CWC27: variants seen among roughly 807,000 people sequenced by gnomAD.
The protein encoded by CWC27 is CWC27 spliceosome associated cyclophilin.
CWC27 carries 47 observed loss-of-function variants against 63.6 expected under a neutral mutation model. That is an observed-to-expected ratio of 0.74 (90% confidence interval 0.58 to 0.94). The LOEUF (loss-of-function observed/expected upper bound fraction) is 0.94, where lower values mean the gene tolerates loss of function less well. Ranked by LOEUF, CWC27 falls within the 40% of genes least tolerant of loss-of-function variation. CWC27 has a pLI of 0.00. For synonymous variants in CWC27, 175 were observed against 179.8 expected (o/e 0.97, Z 0.22); for missense variants, 495 against 554.3 (o/e 0.89, Z 1.07).
At position 64,769,026 on chromosome 5, in the gene CWC27, A is replaced by T. The variant is rs903389815; in HGVS notation, c.-121A>T. On this transcript the variant is annotated 5_prime_UTR_variant, in exon 1 of 14. Coordinates refer to ENST00000381070, the MANE Select transcript of CWC27 (RefSeq NM_005869.4). ...TGTCCCTGTCTTGCGTGATATTGAC[A>T]AACTGAAGCTTTCCTGCACCACTGG... 4.9e-6 allele frequency: 4 copies of T among 817,730 alleles called. No homozygotes were observed. Among genetic ancestry groups the T allele is most frequent in the Non-Finnish European group, 8.3e-6 (4 of 482,884 alleles). 50.7% of individuals were successfully genotyped at this position (817,730 alleles called of 1,614,324 possible).
chr5:64,945,662 A>G (rs762186467), intron 11 of CWC27, among the ~76,000 whole-genome samples: 2 of 152,192 alleles, frequency 1.3e-5, no homozygotes, highest in African/African-American at 4.8e-5. Flanking sequence ...CAGAGAAGTA[A>G]TTGATGTTTC....
chr5:64,794,665 T>C (rs778722106), intron 7 of CWC27, among the ~76,000 whole-genome samples: 15 of 152,088 alleles, frequency 9.9e-5, no homozygotes, highest in Non-Finnish European at 2.1e-4. Flanking sequence ...ATAATAATAC[T>C]TTAGAGAAAT....
At chr5:64,880,891 C>A in intron 10 of CWC27, among the ~76,000 whole-genome samples, 1 of 131,830 alleles carries the variant, frequency 7.6e-6, no homozygotes. Flanking sequence ...TAAGCAGAGA[C>A]TAGGCTTTGA....
chr5:64,844,521 A>G (rs535079810), intron 10 of CWC27, among the ~76,000 whole-genome samples: 209 of 152,274 alleles, frequency 1.4e-3, no homozygotes, highest in African/African-American at 4.6e-3. Flanking sequence ...ACTTCCTCCC[A>G]TTTTGGAGAA....
At chr5:64,862,354 A>G (rs1746431162) in intron 10 of CWC27, among the ~76,000 whole-genome samples, 1 of 138,598 alleles carries the variant, frequency 7.2e-6, no homozygotes, top group Non-Finnish European at 1.6e-5. Flanking sequence ...AGTAAATATA[A>G]TATACCCTTC....
At chr5:64,806,472 A>G (rs985738968) in intron 10 of CWC27, among the ~76,000 whole-genome samples, 3 of 152,096 alleles carry the variant, frequency 2.0e-5, no homozygotes, top group Non-Finnish European at 4.4e-5. Context: ...TTTATTTATA[A>G]CTGTTCTGTT....
At chr5:64,781,823 C>G in intron 2 of CWC27, 98 bp from the exon 3 acceptor site, 1 of 550,514 alleles carries the variant, frequency 1.8e-6, no homozygotes, top group Non-Finnish European at 3.1e-6. Context: ...ATTTAACATT[C>G]TGGAAAATAA....
intron 11 of CWC27, among the ~76,000 whole-genome samples, chr5:64,916,419 C>A (rs1187812453): frequency 2.6e-5 from 4 of 152,200 alleles, no homozygotes; most frequent in South Asian, 2.1e-4. Flanking sequence ...TCTAGGTATT[C>A]ATGTTTCGTG....
At chr5:65,003,547 C>G (rs1267824461) in intron 13 of CWC27, among the ~76,000 whole-genome samples, 1 of 152,126 alleles carries the variant, frequency 6.6e-6, no homozygotes, top group Non-Finnish European at 1.5e-5. Context: ...CTTTTGTTTT[C>G]AGGTATACGA....
intron 13 of CWC27, among the ~76,000 whole-genome samples, chr5:64,986,138 T>C (rs1478652766): frequency 2.6e-5 from 4 of 152,140 alleles, no homozygotes; most frequent in East Asian, 1.9e-4. Context: ...TCCAACATGA[T>C]TGTAAGTTTC....
intron 10 of CWC27, among the ~76,000 whole-genome samples, chr5:64,883,973 G>A (rs1369285205): frequency 6.6e-6 from 1 of 152,124 alleles, no homozygotes; most frequent in East Asian, 1.9e-4. Flanking sequence ...TGGGGATCTC[G>A]TTACAAGGGC....
intron 11 of CWC27, among the ~76,000 whole-genome samples, chr5:64,966,290 C>T (rs1580753687): frequency 6.6e-6 from 1 of 152,118 alleles, no homozygotes; most frequent in South Asian, 2.1e-4. Flanking sequence ...GAAAAACAAG[C>T]TTGACTTGTG....
intron 11 of CWC27, among the ~76,000 whole-genome samples, chr5:64,902,297 C>T (rs1236113266): frequency 6.6e-6 from 1 of 152,094 alleles, no homozygotes; most frequent in Non-Finnish European, 1.5e-5. Context: ...TACAGTGTCA[C>T]CAGGTGATAG....
At chr5:64,923,099 G>T (rs1313790535) in intron 11 of CWC27, among the ~76,000 whole-genome samples, 1 of 152,140 alleles carries the variant, frequency 6.6e-6, no homozygotes, top group African/African-American at 2.4e-5. Flanking sequence ...GCTGCAGCAG[G>T]GGTGCAAATG....
At chr5:64,927,587 T>C (rs576979911) in intron 11 of CWC27, among the ~76,000 whole-genome samples, 233 of 152,274 alleles carry the variant, frequency 1.5e-3, no homozygotes, top group African/African-American at 5.3e-3. Context: ...CCCACCCCAC[T>C]TTCCACATCT....
In CWC27 at chr5:65,018,491, C is replaced by T; in HGVS notation, c.*170C>T. 1.8e-6 allele frequency: 1 copy of T among 545,072 alleles called. No individual in the cohort carries two copies. The highest frequency in any genetic ancestry group is 3.2e-5 in the South Asian group (1 of 30,798). The allele number at this position is 545,072 out of a possible 1,614,324, so 33.8% of individuals were successfully genotyped here. ...TTTGCAAATTGTGGAATGATGTAAG[C>T]AAATGCTTTTGGTTACTGGTACATG... On this transcript the variant is annotated 3_prime_UTR_variant, in exon 14 of 14. Coordinates refer to ENST00000381070, the MANE Select transcript of CWC27 (RefSeq NM_005869.4).
chr5:64,826,345 G>T (rs80309985), intron 10 of CWC27, among the ~76,000 whole-genome samples: 4,182 of 152,084 alleles, frequency 0.027, 199 homozygotes, highest in African/African-American at 0.096. Flanking sequence ...ATTTCATTGT[G>T]GTCAGAGGAC....
At chr5:64,891,942 G>T (rs928747533) in intron 11 of CWC27, among the ~76,000 whole-genome samples, 1 of 151,968 alleles carries the variant, frequency 6.6e-6, no homozygotes, top group Admixed American at 6.6e-5. Context: ...TTACAGGCAC[G>T]CACCGCCACA....
At chr5:64,882,091 G>A (rs1746952130) in intron 10 of CWC27, among the ~76,000 whole-genome samples, 1 of 152,106 alleles carries the variant, frequency 6.6e-6, no homozygotes, top group South Asian at 2.1e-4. Flanking sequence ...TTAAGAAATA[G>A]GAAATAATTG....
Sources: allele counts gnomAD v4.1 joint callset (sites outside exome capture counted in the v4.1 genomes callset), GRCh38; gene constraint gnomAD v4.1.1; transcripts MANE v1.5; gene names NCBI Gene and HGNC (gene_info 2026-07-23, HGNC 2026-07-21).